NKAIN2: variants seen among roughly 807,000 people sequenced by gnomAD.
NKAIN2 encodes sodium/potassium-transporting ATPase subunit beta-1-interacting protein 2.
In NKAIN2, 14 loss-of-function variants were observed where a neutral mutation model predicts 32.6. That is an observed-to-expected ratio of 0.43 (90% CI 0.28 to 0.67). The LOEUF (loss-of-function observed/expected upper bound fraction) is 0.67. NKAIN2 is among the 30% of genes least tolerant of loss of function. NKAIN2 has a pLI of 0.17. For missense variants in NKAIN2, 198 were observed against 258.3 expected (o/e 0.77, Z 1.60); for synonymous variants, 80 against 87.2 (o/e 0.92, Z 0.46).
intron 1 of NKAIN2, among the ~76,000 whole-genome samples, chr6:124,136,057 C>CA (rs1786767848): frequency 1.3e-5 from 2 of 150,792 alleles, no homozygotes; most frequent in Admixed American, 6.6e-5. Flanking sequence ...GAAATGGAAA[C>CA]AAAAAAACAC....
chr6:124,794,421 A>G (rs1484230404), intron 5 of NKAIN2, among the ~76,000 whole-genome samples: 1 of 152,172 alleles, frequency 6.6e-6, no homozygotes, highest in Non-Finnish European at 1.5e-5. Context: ...TGAAAGATCA[A>G]GTTATCTCTC....
intron 3 of NKAIN2, among the ~76,000 whole-genome samples, chr6:124,426,326 G>C (rs1200234567): frequency 6.6e-6 from 1 of 152,046 alleles, no homozygotes; most frequent in Non-Finnish European, 1.5e-5. Context: ...CTTAAAAAAT[G>C]ATAAAACTGA....
At chr6:124,121,637 A>T (rs1785886089) in intron 1 of NKAIN2, among the ~76,000 whole-genome samples, 1 of 152,144 alleles carries the variant, frequency 6.6e-6, no homozygotes, top group Non-Finnish European at 1.5e-5. Context: ...TGGATTGCTC[A>T]CTATTCAGAT....
At chr6:124,508,433 C>T (rs1202774794) in intron 3 of NKAIN2, among the ~76,000 whole-genome samples, 3 of 151,920 alleles carry the variant, frequency 2.0e-5, no homozygotes, top group African/African-American at 4.8e-5. Flanking sequence ...CAAGCTCCGC[C>T]TCCCGGGTTC....
At position 124,741,620 on chromosome 6, in the gene NKAIN2, C is replaced by T. The variant is rs187322264; in HGVS notation, c.475-49719C>T. On this transcript the variant is annotated intron_variant, in intron 4 of 6. Coordinates refer to ENST00000368417, the MANE Select transcript of NKAIN2 (RefSeq NM_001040214.3). ...GAATAGAAAATGAGGAGCTGAACTT[C>T]CACTTAACCTCAGGGCAAAAGCAGC... Among the ~76,000 whole-genome samples, 4 of 151,956 alleles carry T rather than the reference C, an allele frequency of 2.6e-5. No individual in the cohort carries two copies. The East Asian group carries it at 7.8e-4, about 30-fold the overall frequency.
chr6:124,602,103 A>T (rs183323621), intron 3 of NKAIN2, among the ~76,000 whole-genome samples: 61 of 152,072 alleles, frequency 4.0e-4, no homozygotes, highest in Admixed American at 3.7e-3. Context: ...CTAGCACATG[A>T]TTAGGACTCA....
chr6:123,897,409 C>T (rs1400250045), intron 1 of NKAIN2, among the ~76,000 whole-genome samples: 3 of 152,158 alleles, frequency 2.0e-5, no homozygotes, highest in African/African-American at 4.8e-5. Flanking sequence ...CCACACTATT[C>T]GTCAAGCATC....
At chr6:124,636,959 C>T (rs1350606110) in intron 3 of NKAIN2, among the ~76,000 whole-genome samples, 1 of 151,992 alleles carries the variant, frequency 6.6e-6, no homozygotes, top group Non-Finnish European at 1.5e-5. Flanking sequence ...CATTTATGTG[C>T]ATCTGGTGAA....
chr6:124,250,286 T>C (rs1044138833), intron 1 of NKAIN2, among the ~76,000 whole-genome samples: 2 of 152,146 alleles, frequency 1.3e-5, no homozygotes, highest in Non-Finnish European at 1.5e-5. Context: ...GTCTGTGATA[T>C]TTTGTTATAG....
intron 1 of NKAIN2, among the ~76,000 whole-genome samples, chr6:124,044,392 G>C (rs571240743): frequency 6.6e-5 from 10 of 151,976 alleles, no homozygotes; most frequent in Middle Eastern, 3.4e-3. Context: ...GACTCTCATC[G>C]CTCTCCCATC....
At chr6:124,376,168 A>G (rs1394225362) in intron 3 of NKAIN2, among the ~76,000 whole-genome samples, 3 of 152,148 alleles carry the variant, frequency 2.0e-5, no homozygotes, top group African/African-American at 7.2e-5. Flanking sequence ...GCACAACTCT[A>G]AAAACCCACC....
chr6:124,617,098 GT>G (rs1386499337), intron 3 of NKAIN2, among the ~76,000 whole-genome samples: 2 of 152,114 alleles, frequency 1.3e-5, no homozygotes, highest in African/African-American at 4.8e-5. Context: ...CTGAATATTA[GT>G]TTTATTATTT....
chr6:124,166,651 G>T (rs1176526846), intron 1 of NKAIN2, among the ~76,000 whole-genome samples: 1 of 151,944 alleles, frequency 6.6e-6, no homozygotes, highest in African/African-American at 2.4e-5. Flanking sequence ...ATGGTTTTAG[G>T]TCTAAGGTTT....
intron 1 of NKAIN2, among the ~76,000 whole-genome samples, chr6:123,984,351 C>T (rs572113305): frequency 6.6e-6 from 1 of 151,742 alleles, no homozygotes; most frequent in East Asian, 1.9e-4. Context: ...TATGGATATC[C>T]AAGGCTTTGA....
At chr6:123,819,717 T>A (rs1773846412) in intron 1 of NKAIN2, among the ~76,000 whole-genome samples, 1 of 152,172 alleles carries the variant, frequency 6.6e-6, no homozygotes, top group African/African-American at 2.4e-5. Flanking sequence ...TAGGATGCAC[T>A]TCCAGTAAAG....
At chr6:124,724,831 T>C (rs1349698059) in intron 4 of NKAIN2, among the ~76,000 whole-genome samples, 1 of 152,220 alleles carries the variant, frequency 6.6e-6, no homozygotes, top group Non-Finnish European at 1.5e-5. Context: ...GGTTTAAATA[T>C]TTCCCTTTGG....
At chr6:124,466,439 T>C (rs1310981979) in intron 3 of NKAIN2, among the ~76,000 whole-genome samples, 3 of 152,104 alleles carry the variant, frequency 2.0e-5, no homozygotes, top group Non-Finnish European at 4.4e-5. Context: ...CACCTGCCCT[T>C]GGCCTCATTT....
At chr6:124,472,226 A>T (rs1484628776) in intron 3 of NKAIN2, among the ~76,000 whole-genome samples, 1 of 152,170 alleles carries the variant, frequency 6.6e-6, no homozygotes, top group African/African-American at 2.4e-5. Flanking sequence ...GATACATTAG[A>T]TGAATTTTTG....
intron 3 of NKAIN2, among the ~76,000 whole-genome samples, chr6:124,393,580 G>A (rs1773234195): frequency 6.6e-6 from 1 of 152,038 alleles, no homozygotes; most frequent in South Asian, 2.1e-4. Flanking sequence ...CGGTTAAAAA[G>A]CATTCTATTA....
Sources: allele counts gnomAD v4.1 joint callset (sites outside exome capture counted in the v4.1 genomes callset), GRCh38; gene constraint gnomAD v4.1.1; transcripts MANE v1.5; gene names NCBI Gene and HGNC (gene_info 2026-07-23, HGNC 2026-07-21).